The following BCAT1 variants were observed in gnomAD, a reference collection of about 807,000 sequenced individuals.
BCAT1 encodes the protein branched chain amino acid transaminase 1, also known as branched-chain-amino-acid aminotransferase, cytosolic.
In BCAT1, 48 loss-of-function variants were observed where a neutral mutation model predicts 52.4. The observed-to-expected ratio is 0.92, with a 90% confidence interval of 0.73 to 1.16. BCAT1 has a LOEUF of 1.16. Among genes scored for constraint, BCAT1 ranks in the 50% most tolerant of loss-of-function variants. The probability of loss-of-function intolerance (pLI) is 0.00; values close to 1 mark genes in which losing one functional copy is unlikely to be tolerated. For missense variants in BCAT1, 451 were observed against 457.1 expected, an observed-to-expected ratio of 0.99 and a Z score of 0.12; for synonymous variants, 167 against 161.3, an observed-to-expected ratio of 1.04 and a Z score of -0.27.
chr12:24,816,486 C>T lies in BCAT1; in HGVS notation c.*1522G>A, dbSNP rs1218906357. 5.0e-6 allele frequency: 2 copies of T among 397,650 alleles called. No homozygotes were observed. Among genetic ancestry groups the T allele is most frequent in the African/African-American group, 2.1e-5 (1 of 48,424 alleles). The allele number at this position is 397,650 out of a possible 1,614,324, so 24.6% of individuals were successfully genotyped here. On this transcript the variant is annotated 3_prime_UTR_variant, in exon 11 of 11. Transcript: ENST00000261192. The stretch of plus-strand genomic sequence containing the variant: ...ACAAGGAAAATATCACCCATAGTAG[C>T]TCTCCCTGCATCCTAACCACTTGCT...
chr12:24,845,759 A>G (rs1045937065), intron 6 of BCAT1, among the ~76,000 whole-genome samples: 1 of 152,224 alleles, frequency 6.6e-6, no homozygotes, highest in Non-Finnish European at 1.5e-5. Flanking sequence ...TAAGTTTTTT[A>G]AAAAATAACT....
At chr12:24,840,580 A>G (rs1447115642) in intron 7 of BCAT1, among the ~76,000 whole-genome samples, 1 of 152,204 alleles carries the variant, frequency 6.6e-6, no homozygotes, top group African/African-American at 2.4e-5. Context: ...TATGCCAAGG[A>G]CTACCAATGG....
intron 1 of BCAT1, among the ~76,000 whole-genome samples, chr12:24,915,818 GCTT>G (rs1271349180): frequency 2.6e-5 from 4 of 152,176 alleles, no homozygotes; most frequent in Admixed American, 2.6e-4. Context: ...TCTTAAGTTG[GCTT>G]TGTTGGAATT....
At chr12:24,849,041 G>A (rs1941424074) in intron 6 of BCAT1, among the ~76,000 whole-genome samples, 1 of 152,182 alleles carries the variant, frequency 6.6e-6, no homozygotes, top group East Asian at 1.9e-4. Flanking sequence ...GACTGCCATG[G>A]AGTCACCTTC....
chr12:24,887,601 G>A (rs986367150), intron 3 of BCAT1, among the ~76,000 whole-genome samples: 2 of 152,208 alleles, frequency 1.3e-5, no homozygotes, highest in African/African-American at 4.8e-5. Flanking sequence ...AATGGGACAC[G>A]CGAGGGCTTC....
At chr12:24,902,955 C>G (rs968430474) in intron 1 of BCAT1, 4 of 1,507,730 alleles carry the variant, frequency 2.7e-6, no homozygotes, top group Non-Finnish European at 3.5e-6. Flanking sequence ...ACCTGGCGGG[C>G]AAGGGCCGCA....
At chr12:24,949,236 C>T, upstream of BCAT1, 1 of 490,812 alleles carries the variant, frequency 2.0e-6, no homozygotes. Context: ...AGCGCCCAGA[C>T]CCGAGCCTCA....
intron 8 of BCAT1, chr12:24,836,300 G>T (rs1940920770): frequency 3.9e-6 from 2 of 513,828 alleles, no homozygotes; most frequent in Admixed American, 3.1e-5. Flanking sequence ...TTGCTAAACT[G>T]GTTTCTCTCT....
At chr12:24,854,043 C>T (rs1353116136) in intron 5 of BCAT1, among the ~76,000 whole-genome samples, 1 of 152,146 alleles carries the variant, frequency 6.6e-6, no homozygotes, top group Non-Finnish European at 1.5e-5. Context: ...ATGGCAAATA[C>T]ATATACAAGG....
chr12:24,853,002 T>C (rs1941560175), intron 5 of BCAT1, among the ~76,000 whole-genome samples: 1 of 152,264 alleles, frequency 6.6e-6, no homozygotes. Flanking sequence ...GAGAGCTTTA[T>C]GATTGGGTCT....
chr12:24,851,180 C>T (rs10842418), intron 5 of BCAT1, among the ~76,000 whole-genome samples: 23,683 of 152,176 alleles, frequency 0.16, 2,153 homozygotes, highest in Middle Eastern at 0.26. Context: ...AGGCAGGACT[C>T]TTAGGTTAAG....
chr12:24,892,405 C>A (rs759466461), intron 3 of BCAT1, among the ~76,000 whole-genome samples: 2 of 152,162 alleles, frequency 1.3e-5, no homozygotes, highest in Non-Finnish European at 2.9e-5. Context: ...CATAGGCCAG[C>A]AATTCCCAAA....
intron 6 of BCAT1, among the ~76,000 whole-genome samples, chr12:24,848,562 TTTTAAACAGGGAAACTTTTTCC>T (rs1941411603): frequency 6.6e-6 from 1 of 152,220 alleles, no homozygotes; most frequent in African/African-American, 2.4e-5. Flanking sequence ...GAAAGCAATA[TTTTAAACAGGGAAACTTTTTCC>T]TTATTACTTT....
At chr12:24,897,799 C>A (rs1294472231) in intron 2 of BCAT1, among the ~76,000 whole-genome samples, 1 of 152,110 alleles carries the variant, frequency 6.6e-6, no homozygotes, top group Non-Finnish European at 1.5e-5. Context: ...GGTGACCCAC[C>A]CACCTCGGCC....
intron 5 of BCAT1, among the ~76,000 whole-genome samples, chr12:24,858,961 G>A (rs528914770): frequency 6.6e-6 from 1 of 152,138 alleles, no homozygotes; most frequent in Non-Finnish European, 1.5e-5. Context: ...TAAAGTTAAA[G>A]GGTATTATTC....
rs1458004170 is a variant in BCAT1, at chr12:24,813,013, C to T, written c.*4995G>A. On this transcript the variant is annotated 3_prime_UTR_variant, in exon 11 of 11. Coordinates refer to ENST00000261192, the MANE Select transcript of BCAT1 (RefSeq NM_005504.7). ...TGACTTAAAACTTCAATACTTGTAT[C>T]CAGCAGATTTGAAAGGGCACTTCAA... is the stretch of plus-strand genomic sequence containing the variant. The T allele has an allele frequency of 2.0e-5, 3 of 151,980 alleles. No individual in the cohort carries two copies. Among genetic ancestry groups the T allele is most frequent in the African/African-American group, 7.2e-5 (3 of 41,438 alleles). The allele number at this position is 151,980 out of a possible 1,614,324, so 9.4% of individuals were successfully genotyped here. A position where few individuals can be genotyped will look rare whatever the true frequency, so the allele number is the denominator to read the frequency against.
intron 1 of BCAT1, among the ~76,000 whole-genome samples, chr12:24,942,927 G>A (rs1003010702): frequency 2.6e-5 from 4 of 152,354 alleles, no homozygotes; most frequent in Non-Finnish European, 4.4e-5. Context: ...ACCATTGGTT[G>A]TTTATCTCTT....
chr12:24,841,680 A>G (rs935803026), intron 7 of BCAT1, among the ~76,000 whole-genome samples: 1 of 152,160 alleles, frequency 6.6e-6, no homozygotes, highest in African/African-American at 2.4e-5. Flanking sequence ...AGGCCGGTGG[A>G]TCACCTGAGG....
In BCAT1 at chr12:24,907,698, T is replaced by C. The variant is rs142765938; in HGVS notation, c.7-5813A>G. 3.6e-3 allele frequency among the ~76,000 whole-genome samples: 554 copies of C among 152,276 alleles called. 3 individuals are homozygous for C. Among genetic ancestry groups the C allele is most frequent in the African/African-American group, 0.013 (536 of 41,528 alleles). On this transcript the variant is annotated intron_variant, in intron 1 of 10. Transcript: ENST00000261192. ...GAAGGTACTTTGTAATATCCTTCCC[T>C]GCCCTTAAGGTACTTTGTAATATTC...
Sources: allele counts gnomAD v4.1 joint callset (sites outside exome capture counted in the v4.1 genomes callset), GRCh38; gene constraint gnomAD v4.1.1; transcripts MANE v1.5; gene names NCBI Gene and HGNC (gene_info 2026-07-23, HGNC 2026-07-21).